Variants in DIS3L2 observed in about 807,000 individuals in gnomAD.
The protein encoded by DIS3L2 is DIS3 like 3'-5' exoribonuclease 2.
In DIS3L2, 34 loss-of-function variants were observed where a neutral mutation model predicts 97.5. The ratio of observed to expected loss-of-function variants is 0.35; its 90% CI spans 0.27 to 0.46. The LOEUF is 0.46. Among genes scored for constraint, DIS3L2 ranks in the 20% least tolerant of loss-of-function variants. The pLI is 1.00. For missense variants in DIS3L2, 1,038 were observed against 1,146.0 expected (o/e 0.91, Z 1.36); for synonymous variants, 435 against 445.2 (o/e 0.98, Z 0.29).
chr2:232,121,976 T>A (rs1373645813), intron 6 of DIS3L2, among the ~76,000 whole-genome samples: 1 of 152,228 alleles, frequency 6.6e-6, no homozygotes, highest in Non-Finnish European at 1.5e-5. Context: ...ACTGGCCTCC[T>A]GCCTCCAGTC....
intron 6 of DIS3L2, among the ~76,000 whole-genome samples, chr2:232,094,453 C>G (rs1426896786): frequency 1.3e-5 from 2 of 152,070 alleles, no homozygotes; most frequent in Admixed American, 6.5e-5. Context: ...CATGGTGGCT[C>G]ATGCCTGTAA....
chr2:232,046,936 G>A (rs1695259744), intron 5 of DIS3L2, among the ~76,000 whole-genome samples: 1 of 152,140 alleles, frequency 6.6e-6, no homozygotes, highest in Admixed American at 6.6e-5. Context: ...ACAGGCATGA[G>A]CCACCATGCC....
intron 6 of DIS3L2, among the ~76,000 whole-genome samples, chr2:232,109,731 A>G (rs778978773): frequency 1.1e-4 from 16 of 152,196 alleles, no homozygotes; most frequent in Non-Finnish European, 2.1e-4. Flanking sequence ...TGGATTAAAG[A>G]CTTAAATGTA....
intron 8 of DIS3L2, among the ~76,000 whole-genome samples, chr2:232,145,273 G>A (rs576188586): frequency 7.2e-5 from 11 of 152,120 alleles, no homozygotes; most frequent in African/African-American, 2.4e-4. Flanking sequence ...GTTATTAATG[G>A]TATCTTCTGA....
chr2:232,025,339 T>A (rs1021314284), intron 4 of DIS3L2, among the ~76,000 whole-genome samples: 5 of 152,182 alleles, frequency 3.3e-5, no homozygotes, highest in African/African-American at 1.2e-4. Context: ...AAGAGTTTTA[T>A]ATTTTGGAAC....
At chr2:232,185,616 C>T (rs1691410677) in intron 9 of DIS3L2, among the ~76,000 whole-genome samples, 1 of 152,146 alleles carries the variant, frequency 6.6e-6, no homozygotes, top group Non-Finnish European at 1.5e-5. Context: ...GGGTGGATCA[C>T]TTGAGGCCAG....
chr2:232,155,376 A>T (rs1458677787), intron 8 of DIS3L2, among the ~76,000 whole-genome samples: 4 of 152,072 alleles, frequency 2.6e-5, no homozygotes, highest in Non-Finnish European at 5.9e-5. Context: ...GCTCAGCGCC[A>T]GTCTTTGTGG....
At chr2:232,263,122 A>G in intron 12 of DIS3L2, 85 bp from the exon 13 acceptor site, 1 of 1,360,852 alleles carries the variant, frequency 7.3e-7, no homozygotes, top group Non-Finnish European at 1.0e-6. Context: ...TCTTTGTTGA[A>G]TGTGTATGGA....
At chr2:232,085,559 A>G (rs1167358296) in intron 5 of DIS3L2, among the ~76,000 whole-genome samples, 1 of 152,218 alleles carries the variant, frequency 6.6e-6, no homozygotes, top group African/African-American at 2.4e-5. Flanking sequence ...GTTTAAATTG[A>G]ACATAGGTAT....
At chr2:232,302,313 T>C (rs9751905) in intron 14 of DIS3L2, among the ~76,000 whole-genome samples, 51,306 of 151,376 alleles carry the variant, frequency 0.34, 13,708 homozygotes, top group African/African-American at 0.73. Context: ...GTGCAGCACA[T>C]CAACATGGCA....
At position 232,087,485 on chromosome 2, in the gene DIS3L2, A is replaced by G. The variant is rs2106309194; in HGVS notation, c.367-2A>G. On this transcript the variant is annotated splice_acceptor_variant, in intron 5 of 20. Transcript: ENST00000325385. LOFTEE classifies it high-confidence loss of function. ...TTAGCAGAATTTTTCTGTTTTCTTT[A>G]GGTAGTTAAACCAGAGAGCAATGAC... is the stretch of plus-strand genomic sequence containing the variant. 6.3e-7 allele frequency: 1 copy of G among 1,588,872 alleles called. No individual in the cohort carries two copies. The highest frequency in any genetic ancestry group is 2.3e-5 in the East Asian group (1 of 44,342).
chr2:232,280,263 AAGG>A (rs1223176400), intron 13 of DIS3L2, among the ~76,000 whole-genome samples: 2 of 152,204 alleles, frequency 1.3e-5, no homozygotes, highest in Non-Finnish European at 2.9e-5. Flanking sequence ...GCCATCTGAA[AAGG>A]AGGTGTGTGC....
chr2:232,043,942 A>T (rs1695172772), intron 5 of DIS3L2, among the ~76,000 whole-genome samples: 1 of 152,232 alleles, frequency 6.6e-6, no homozygotes, highest in Non-Finnish European at 1.5e-5. Flanking sequence ...TTTAGGGCAT[A>T]TACATAGCTG....
At chr2:232,200,212 C>T (rs1023344788) in intron 9 of DIS3L2, among the ~76,000 whole-genome samples, 36 of 152,176 alleles carry the variant, frequency 2.4e-4, no homozygotes, top group Admixed American at 2.2e-3. Flanking sequence ...AATATGAACT[C>T]ATGATTTTTA....
At chr2:232,326,427 T>C (rs951195307) in intron 14 of DIS3L2, among the ~76,000 whole-genome samples, 5 of 151,996 alleles carry the variant, frequency 3.3e-5, no homozygotes, top group Non-Finnish European at 7.4e-5. Context: ...GTCCCCAAAC[T>C]CCACTGGGGA....
chr2:232,299,221 G>T (rs915419714), intron 13 of DIS3L2, among the ~76,000 whole-genome samples: 1 of 152,118 alleles, frequency 6.6e-6, no homozygotes, highest in Non-Finnish European at 1.5e-5. Flanking sequence ...CCCCCTGGCC[G>T]CTCCCCTGAC....
chr2:232,037,903 C>T lies in DIS3L2; in HGVS notation c.366+7823C>T, dbSNP rs1694996157. 6.6e-6 allele frequency among the ~76,000 whole-genome samples: 1 copy of T among 152,226 alleles called. No individual in the cohort carries two copies. Among genetic ancestry groups the T allele is most frequent in the African/African-American group, 2.4e-5 (1 of 41,450 alleles). On this transcript the variant is annotated intron_variant, in intron 5 of 20. Transcript: ENST00000325385. The surrounding 1 kb of genome is among the most constrained non-coding windows in gnomAD (Gnocchi z 4.6). Reference sequence around the variant, plus strand: ...AGTCCCAGTGAGATGAACCAGGTACCTCAGTTGGAAATGCAGAAATCACCA... The same window carrying T: ...AGTCCCAGTGAGATGAACCAGGTACTTCAGTTGGAAATGCAGAAATCACCA...
chr2:232,334,876 G>A lies in DIS3L2; in HGVS notation c.2394+141G>A, dbSNP rs545668540. ...AAGCCCACCTGATGGGCCTTGCTGA[G>A]ACGCCCAGCTCTCCCACCTGGGATG... On this transcript the variant is annotated intron_variant, in intron 19 of 20. Transcript: ENST00000325385. 7.5e-3 allele frequency: 5,124 copies of A among 685,874 alleles called. 147 individuals carry two copies. In the African/African-American group the frequency reaches 0.081, roughly 11 times the overall value. The allele number at this position is 685,874 out of a possible 1,614,324, so 42.5% of individuals were successfully genotyped here.
chr2:232,175,770 T>A (rs1266062271), intron 9 of DIS3L2, among the ~76,000 whole-genome samples: 1 of 152,038 alleles, frequency 6.6e-6, no homozygotes, highest in Non-Finnish European at 1.5e-5. Flanking sequence ...GCCCTGTGCT[T>A]TTGTGTGTGT....
Sources: gnomAD v4.1 joint callset for allele counts (sites outside exome capture counted in the v4.1 genomes callset) on GRCh38, gnomAD v4.1.1 for gene constraint, Gnocchi (gnomAD v3.1) non-coding constraint, MANE v1.5 for transcripts, NCBI Gene and HGNC (gene_info 2026-07-23, HGNC 2026-07-21) for gene names.